MS4A5: variants seen among roughly 807,000 people sequenced by gnomAD.
MS4A5 encodes the protein membrane-spanning 4-domains subfamily A member 5.
In MS4A5, 15 loss-of-function variants were observed where a neutral mutation model predicts 18.2. That is an observed-to-expected ratio of 0.83 (90% CI 0.55 to 1.27). The LOEUF (loss-of-function observed/expected upper bound fraction) is 1.27, where lower values mean the gene tolerates loss of function less well. MS4A5 is among the 50% of genes most tolerant of loss of function. The pLI, the probability that MS4A5 is intolerant of heterozygous loss-of-function variation, is 0.00. For missense variants in MS4A5, 232 were observed against 225.7 expected (o/e 1.03, Z -0.18); for synonymous variants, 89 against 78.7 (o/e 1.13, Z -0.69).
intron 4 of MS4A5, chr11:60,435,556 G>A (rs568777663): frequency 3.3e-5 from 12 of 366,008 alleles, no homozygotes; most frequent in South Asian, 8.4e-5. Flanking sequence ...GACAGTGGGC[G>A]CAGGTCAGTG....
At chr11:60,431,573 G>A (rs10897061) in intron 2 of MS4A5, among the ~76,000 whole-genome samples, 41,209 of 152,098 alleles carry the variant, frequency 0.27, 5,775 homozygotes, top group Non-Finnish European at 0.31. Context: ...TGTGATGAGG[G>A]AGAATAAACA....
rs142678653 is a variant in MS4A5, at chr11:60,433,888, C to A, written c.463C>A (p.Gln155Lys). 77 of 1,613,876 alleles carry A rather than the reference C, an allele frequency of 4.8e-5. No individual in the cohort carries two copies. Among genetic ancestry groups the A allele is most frequent in the Non-Finnish European group, 6.3e-5 (74 of 1,179,958 alleles). ...TTGTGGTTATTCTCACCAAAATAGT[C>A]AGTGTAAGGCTGTTACTGTCCTGTT... Reference protein sequence around the residue: ...YICGYSHQNSQCKAVTVLFLG... With the variant: ...YICGYSHQNSKCKAVTVLFLG... The change falls in exon 4 of 5, where the codon CAG (glutamine) becomes AAG (lysine). Residue 155 changes from glutamine to lysine, a missense_variant. Physicochemically the swap from Gln to Lys is moderately conservative, Grantham distance 53. Transcript: ENST00000300190.
At chr11:60,430,583 GAGC>G (rs1235722142) in intron 1 of MS4A5, among the ~76,000 whole-genome samples, 1 of 152,050 alleles carries the variant, frequency 6.6e-6, no homozygotes, top group Non-Finnish European at 1.5e-5. Context: ...ACATTTTCAG[GAGC>G]ACTGATTTAG....
At chr11:60,441,142 T>C (rs1438255905) in intron 4 of MS4A5, among the ~76,000 whole-genome samples, 2 of 119,072 alleles carry the variant, frequency 1.7e-5, no homozygotes, top group East Asian at 2.3e-4. Flanking sequence ...ATGGATGAAA[T>C]TGGAAATCAT....
At chr11:60,442,236 G>A (rs976954656) in intron 4 of MS4A5, among the ~76,000 whole-genome samples, 1 of 152,156 alleles carries the variant, frequency 6.6e-6, no homozygotes, top group African/African-American at 2.4e-5. Context: ...ATATTTTGAA[G>A]TACATATATG....
At chr11:60,433,497 C>T (rs1449637459) in intron 3 of MS4A5, among the ~76,000 whole-genome samples, 1 of 152,154 alleles carries the variant, frequency 6.6e-6, no homozygotes, top group East Asian at 1.9e-4. Context: ...TTGTTACAGG[C>T]ACACCCTTCC....
chr11:60,435,930 A>G (rs928761234), intron 4 of MS4A5, among the ~76,000 whole-genome samples: 10 of 152,254 alleles, frequency 6.6e-5, no homozygotes, highest in Non-Finnish European at 1.5e-4. Flanking sequence ...GGATCCCACG[A>G]CAGCTCAAGG....
intron 1 of MS4A5, 143 bp downstream of exon 1, chr11:60,429,970 TGA>T (rs1400439134): frequency 2.4e-5 from 19 of 794,892 alleles, no homozygotes; most frequent in Non-Finnish European, 3.7e-5. Flanking sequence ...GTGGGCCATT[TGA>T]GAGAGGATGT....
chr11:60,438,210 GTTC>G (rs2086091390), intron 4 of MS4A5, among the ~76,000 whole-genome samples: 1 of 152,146 alleles, frequency 6.6e-6, no homozygotes, highest in Admixed American at 6.5e-5. Flanking sequence ...AAATAAAGAT[GTTC>G]TTTGAAACCA....
At chr11:60,446,107 A>G (rs563007855) in intron 4 of MS4A5, among the ~76,000 whole-genome samples, 50 of 152,356 alleles carry the variant, frequency 3.3e-4, no homozygotes, top group African/African-American at 1.1e-3. Context: ...AACACAGAAA[A>G]AAAGAGGAAA....
intron 2 of MS4A5, 78 bp from the exon 3 acceptor site, chr11:60,432,333 A>C: frequency 2.2e-6 from 2 of 904,722 alleles, no homozygotes; most frequent in Non-Finnish European, 3.4e-6. Context: ...TGTAAAAGAA[A>C]TGCATAGAGG....
intron 3 of MS4A5, among the ~76,000 whole-genome samples, 178 bp downstream of exon 3, chr11:60,432,645 TG>T (rs2086056386): frequency 6.6e-6 from 1 of 151,444 alleles, no homozygotes; most frequent in Non-Finnish European, 1.5e-5. Flanking sequence ...ATTAGCCAGG[TG>T]TGGTGGCACA....
At chr11:60,445,412 G>T (rs549410937) in intron 4 of MS4A5, among the ~76,000 whole-genome samples, 9 of 151,978 alleles carry the variant, frequency 5.9e-5, no homozygotes, top group African/African-American at 1.9e-4. Flanking sequence ...GGCTCATGCT[G>T]CCATGCCCAG....
At position 60,434,054 on chromosome 11, in the gene MS4A5, A is replaced by C. The variant is rs17542525; in HGVS notation, c.492+137A>C. 1.3e-5 allele frequency: 10 copies of C among 789,692 alleles called. No individual in the cohort carries two copies. In the East Asian group the frequency reaches 2.5e-4, roughly 20 times the overall value. 48.9% of individuals were successfully genotyped at this position (789,692 alleles called of 1,614,324 possible). On this transcript the variant is annotated intron_variant, in intron 4 of 4. Coordinates refer to ENST00000300190, the MANE Select transcript of MS4A5 (RefSeq NM_023945.3). ...CTGACAAACATTTATGAAATCCATAATATTTGATAGACATTACACCAGGCA... is the reference window on the plus strand; with the variant it reads ...CTGACAAACATTTATGAAATCCATACTATTTGATAGACATTACACCAGGCA...
intron 3 of MS4A5, 98 bp from the exon 4 acceptor site, chr11:60,433,667 T>C (rs973819377): frequency 1.1e-5 from 13 of 1,210,086 alleles, no homozygotes; most frequent in Non-Finnish European, 1.6e-5. Flanking sequence ...ATTAAGATGC[T>C]GTGACTAAAA....
In MS4A5 at chr11:60,432,419, T is replaced by C. The variant is rs781486324; in HGVS notation, c.291T>C (p.Asn97=). ...TTTATTCCTCTTAACAGTTCATTAA[T>C]TCTGGAGCCTTCCTAATTGCAGTGA... ...YPFWGSVLFI[N]SGAFLIAVKR... The change falls in exon 3 of 5, where the codon AAT becomes AAC. Residue 97 remains asparagine, a synonymous_variant. Transcript: ENST00000300190. 5.7e-6 allele frequency: 9 copies of C among 1,588,958 alleles called. No homozygotes were observed. Among genetic ancestry groups the C allele is most frequent in the South Asian group, 2.2e-5 (2 of 89,500 alleles).
chr11:60,430,523 G>A (rs2086042689), intron 1 of MS4A5, among the ~76,000 whole-genome samples: 1 of 152,196 alleles, frequency 6.6e-6, no homozygotes, highest in African/African-American at 2.4e-5. Context: ...GGGCCTGATA[G>A]TTCGCATTTC....
chr11:60,432,903 A>C (rs1166534999), intron 3 of MS4A5, among the ~76,000 whole-genome samples: 8 of 152,202 alleles, frequency 5.3e-5, no homozygotes, highest in African/African-American at 9.6e-5. Flanking sequence ...ATAATTCCAC[A>C]AACTATCAAG....
intron 4 of MS4A5, among the ~76,000 whole-genome samples, chr11:60,435,789 G>A (rs1056597306): frequency 1.7e-4 from 26 of 151,952 alleles, no homozygotes; most frequent in Non-Finnish European, 3.2e-4. Context: ...CTATGCCCAC[G>A]GAGTCTCGCT....
Sources: allele counts gnomAD v4.1 joint callset (sites outside exome capture counted in the v4.1 genomes callset), GRCh38; gene constraint gnomAD v4.1.1; transcripts MANE v1.5; gene names NCBI Gene and HGNC (gene_info 2026-07-23, HGNC 2026-07-21).